Variants in FYB2 observed in about 807,000 individuals in gnomAD.
FYB2 encodes the protein FYN binding protein 2, also known as FYN-binding protein 2.
In FYB2, 103 loss-of-function variants were observed where a neutral mutation model predicts 94.1. The ratio of observed to expected loss-of-function variants is 1.09; its 90% CI spans 0.93 to 1.29. The LOEUF (loss-of-function observed/expected upper bound fraction) is 1.29. FYB2 is among the 50% of genes most tolerant of loss of function. The pLI, the probability that FYB2 is intolerant of heterozygous loss-of-function variation, is 0.00. For synonymous variants in FYB2, 293 were observed against 287.9 expected (o/e 1.02, Z -0.18); for missense variants, 896 against 841.5 (o/e 1.06, Z -0.80).
chr1:56,746,406 T>C (rs528090695), intron 9 of FYB2, among the ~76,000 whole-genome samples: 3 of 152,156 alleles, frequency 2.0e-5, no homozygotes, highest in African/African-American at 7.2e-5. Flanking sequence ...TGACTAAAGT[T>C]TCTTCTCTTT....
chr1:56,780,461 A>C (rs1015160408), intron 4 of FYB2, among the ~76,000 whole-genome samples: 3 of 152,132 alleles, frequency 2.0e-5, no homozygotes, highest in African/African-American at 7.2e-5. Context: ...TGTTGTTTGA[A>C]TCCTCATTAA....
chr1:56,785,686 C>CT (rs1448482223), intron 4 of FYB2, among the ~76,000 whole-genome samples: 3 of 152,220 alleles, frequency 2.0e-5, no homozygotes, highest in East Asian at 3.9e-4. Flanking sequence ...TTTCTACACT[C>CT]TAAGTGTACT....
At chr1:56,826,020 C>T in the FYB2 span, among the ~76,000 whole-genome samples, 2 of 152,214 alleles carry the variant, frequency 1.3e-5, no homozygotes, top group East Asian at 3.9e-4. Context: ...CAACAGCGTT[C>T]AGTGAGCATG....
At chr1:56,761,776 C>T (rs902373723) in intron 5 of FYB2, among the ~76,000 whole-genome samples, 1 of 143,936 alleles carries the variant, frequency 6.9e-6, no homozygotes, top group Non-Finnish European at 1.6e-5. Flanking sequence ...TGACCTCTTT[C>T]TCCTTCCTTC....
intron 6 of FYB2, among the ~76,000 whole-genome samples, chr1:56,758,434 A>G (rs1645409962): frequency 1.3e-5 from 2 of 152,100 alleles, no homozygotes; most frequent in Admixed American, 6.6e-5. Context: ...AACTCTTCTC[A>G]CTGGAAGTCA....
intron 9 of FYB2, among the ~76,000 whole-genome samples, chr1:56,746,591 T>C (rs1457565296): frequency 2.6e-5 from 4 of 152,062 alleles, no homozygotes; most frequent in Non-Finnish European, 5.9e-5. Flanking sequence ...CCTTCAATAT[T>C]ATGTTTGTGA....
upstream of FYB2, among the ~76,000 whole-genome samples, chr1:56,820,708 C>T (rs2101139157): frequency 6.6e-6 from 1 of 152,342 alleles, no homozygotes; most frequent in East Asian, 1.9e-4. Context: ...TGCATCAATG[C>T]TTCTGGCCCA....
Position 56,720,066 on chromosome 1 carries a change from C to A in FYB2, c.2132-11G>T, listed in dbSNP as rs1473439480. The A allele has an allele frequency of 1.3e-6, 2 of 1,598,492 alleles. No homozygotes were observed. The highest frequency in any genetic ancestry group is 4.5e-5 in the East Asian group (2 of 44,656). The stretch of plus-strand genomic sequence containing the variant: ...TGAGCACATATCCATCTAATAGAAA[C>A]AAAAGTCACCGTTAATTTGAAAGTT... On this transcript the variant is annotated splice_polypyrimidine_tract_variant and intron_variant, in intron 18 of 19. Coordinates refer to ENST00000343433, the MANE Select transcript of FYB2 (RefSeq NM_001004303.5).
At position 56,767,926 on chromosome 1, in the gene FYB2, T is replaced by G. The variant is rs939234677; in HGVS notation, c.966A>C (p.Ala322=). 1 of 1,600,224 alleles carries G rather than the reference T, an allele frequency of 6.2e-7. No homozygotes were observed. Residue 322 remains alanine, a synonymous_variant, in exon 5 of 20, where the codon GCA becomes GCC. Transcript: ENST00000343433. ...CGTAATTATGTGGTTCTTCAAATTC[T>G]GCATTGAAAAGCCTGGAGAAAAAAG... is the stretch of plus-strand genomic sequence containing the variant. ...GSLSPERLFN[A]EFEEPHNYEA...
chr1:56,798,557 T>C (rs1401954710), intron 1 of FYB2, among the ~76,000 whole-genome samples: 1 of 152,182 alleles, frequency 6.6e-6, no homozygotes, highest in Admixed American at 6.5e-5. Context: ...ATTGTTATAT[T>C]TAGATGAATG....
At chr1:56,782,371 T>G (rs954100375) in intron 4 of FYB2, among the ~76,000 whole-genome samples, 24 of 152,138 alleles carry the variant, frequency 1.6e-4, no homozygotes, top group South Asian at 6.2e-4. Context: ...GTAAATGCAT[T>G]TTTTTGGTTA....
chr1:56,819,616 A>C, upstream of FYB2: 1 of 500,084 alleles, frequency 2.0e-6, no homozygotes, highest in Non-Finnish European at 3.6e-6. Flanking sequence ...GGCTGGTCTG[A>C]CAGTCACTCA....
chr1:56,762,058 T>C (rs1645508368), intron 5 of FYB2: 1 of 152,228 alleles, frequency 6.6e-6, no homozygotes, highest in African/African-American at 2.4e-5. Context: ...TGTATAATTC[T>C]ATTTCTGAAT....
At chr1:56,826,527 C>T in the FYB2 span, 1 of 152,428 alleles carries the variant, frequency 6.6e-6, no homozygotes, top group Non-Finnish European at 1.5e-5. Flanking sequence ...CCCATTTTCT[C>T]TACCTGGAAT....
intron 13 of FYB2, among the ~76,000 whole-genome samples, chr1:56,739,789 C>T (rs781348063): frequency 1.3e-5 from 2 of 152,054 alleles, no homozygotes; most frequent in Non-Finnish European, 2.9e-5. Context: ...GTGTTAGATG[C>T]TTTTGCCCAA....
At chr1:56,818,455 AACAC>A (rs3991685) in intron 1 of FYB2, among the ~76,000 whole-genome samples, 18,968 of 139,762 alleles carry the variant, frequency 0.14, 1,393 homozygotes, top group Admixed American at 0.22. Flanking sequence ...GTATGGAAGC[AACAC>A]ACACACACAC....
intron 13 of FYB2, among the ~76,000 whole-genome samples, chr1:56,738,987 C>G (rs1644890654): frequency 6.6e-6 from 1 of 151,932 alleles, no homozygotes; most frequent in South Asian, 2.1e-4. Context: ...ACATTCCAGA[C>G]CATGAGAATG....
intron 1 of FYB2, among the ~76,000 whole-genome samples, chr1:56,815,599 G>A (rs928404540): frequency 1.4e-4 from 21 of 152,076 alleles, no homozygotes; most frequent in Non-Finnish European, 5.9e-5. Context: ...GGGGCACACT[G>A]GATAAGTCGT....
At chr1:56,736,207 CAAAT>C (rs1307863736) in intron 15 of FYB2, among the ~76,000 whole-genome samples, 1 of 151,852 alleles carries the variant, frequency 6.6e-6, no homozygotes, top group South Asian at 2.1e-4. Context: ...ATAGAGAAGA[CAAAT>C]AAAGGCTTAA....
Sources: gnomAD v4.1 joint callset for allele counts (sites outside exome capture counted in the v4.1 genomes callset) on GRCh38, gnomAD v4.1.1 for gene constraint, MANE v1.5 for transcripts, NCBI Gene and HGNC (gene_info 2026-07-23, HGNC 2026-07-21) for gene names.